EPHA4: variants seen among roughly 807,000 people sequenced by gnomAD.
EPHA4 encodes the protein EPH receptor A4.
In EPHA4, 19 loss-of-function variants were observed where a neutral mutation model predicts 108.3. That is an observed-to-expected ratio of 0.18 (90% CI 0.12 to 0.26). The LOEUF (loss-of-function observed/expected upper bound fraction) is 0.26, where lower values mean the gene tolerates loss of function less well. Ranked by LOEUF, EPHA4 falls within the 10% of genes least tolerant of loss-of-function variation. The pLI, the probability that EPHA4 is intolerant of heterozygous loss-of-function variation, is 1.00. For missense variants in EPHA4, 917 were observed against 1,254.0 expected (o/e 0.73, Z 4.06); for synonymous variants, 449 against 455.5 (o/e 0.99, Z 0.18).
At chr2:221,558,334 G>C (rs1694361116) in intron 3 of EPHA4, among the ~76,000 whole-genome samples, 1 of 152,064 alleles carries the variant, frequency 6.6e-6, no homozygotes, top group Admixed American at 6.6e-5. Context: ...GCAGGGAATG[G>C]TAGACTTACA....
intron 3 of EPHA4, among the ~76,000 whole-genome samples, chr2:221,543,231 C>A (rs1043651750): frequency 1.3e-5 from 2 of 152,142 alleles, no homozygotes; most frequent in African/African-American, 2.4e-5. Context: ...AAATGTCCAA[C>A]AATAGAGGAT....
chr2:221,573,767 C>A (rs1297523584), upstream of EPHA4: 2 of 152,216 alleles, frequency 1.3e-5, no homozygotes, highest in Admixed American at 6.5e-5. This position sits in a 1 kb window ranked among gnomAD's most constrained non-coding sequence, Gnocchi z 4.5. Flanking sequence ...ACCCGCAATC[C>A]GCAACCCCGC....
intron 3 of EPHA4, among the ~76,000 whole-genome samples, chr2:221,537,331 A>T (rs2710498): frequency 0.56 from 85,918 of 152,208 alleles, 24,999 homozygotes; most frequent in African/African-American, 0.7. Context: ...ACTCCTAAAA[A>T]TAGTCTGTTA....
chr2:221,439,030 A>G (rs1488741119), intron 11 of EPHA4, among the ~76,000 whole-genome samples: 2 of 152,128 alleles, frequency 1.3e-5, no homozygotes, highest in Non-Finnish European at 2.9e-5. Context: ...GAAGTCCAAT[A>G]TATCAATTTG....
rs777531997 is a variant in EPHA4 at position 221,564,325 on chromosome 2, C to T, written c.229G>A (p.Glu77Lys). 6.2e-7 allele frequency: 1 copy of T among 1,614,092 alleles called. No individual in the cohort carries two copies. The highest frequency in any genetic ancestry group is 8.5e-7 in the Non-Finnish European group (1 of 1,180,012). Residue 77 changes from glutamate to lysine, a missense_variant, in exon 3 of 18, where the codon GAA becomes AAA. Around this residue, in one of 3 missense-constraint regions of EPHA4, gnomAD observed 758 missense variants for 1,076.7 expected, o/e 0.70. Transcript: ENST00000281821. Reference sequence around the variant, plus strand: ...CGTAGCCAGTTATTCTGGCTGGGTTCCATCACATTGCACACTTGGTAGGTT... The same window carrying T: ...CGTAGCCAGTTATTCTGGCTGGGTTTCATCACATTGCACACTTGGTAGGTT... ...IRTYQVCNVMEPSQNNWLRTD... is the reference protein window; with the variant it reads ...IRTYQVCNVMKPSQNNWLRTD...
upstream of EPHA4, chr2:221,573,861 G>A (rs1180276644): frequency 6.6e-6 from 1 of 152,232 alleles, no homozygotes; most frequent in South Asian, 2.1e-4. This position sits in a 1 kb window ranked among gnomAD's most constrained non-coding sequence, Gnocchi z 4.5. Flanking sequence ...GTGGGGCTGC[G>A]GACAGCGCTC....
chr2:221,519,731 A>G (rs1047752081), intron 3 of EPHA4, among the ~76,000 whole-genome samples: 1 of 152,226 alleles, frequency 6.6e-6, no homozygotes, highest in Non-Finnish European at 1.5e-5. Context: ...AGTCAGCCCT[A>G]CAAGTTACTA....
At chr2:221,428,585 T>C (rs1198858263) in intron 15 of EPHA4, among the ~76,000 whole-genome samples, 1 of 152,164 alleles carries the variant, frequency 6.6e-6, no homozygotes, top group African/African-American at 2.4e-5. Flanking sequence ...ACAAAATACA[T>C]GGGCTCTGGT....
At chr2:221,566,944 G>GA (rs1559297337) in intron 2 of EPHA4, among the ~76,000 whole-genome samples, 514 of 7,676 alleles carry the variant, frequency 0.067, 139 homozygotes, top group Middle Eastern at 0.083. Context: ...GAAGGAGAAG[G>GA]AGAAGGAGAA....
intron 4 of EPHA4, among the ~76,000 whole-genome samples, chr2:221,495,325 A>T (rs1692266983): frequency 6.6e-6 from 1 of 152,220 alleles, no homozygotes; most frequent in Non-Finnish European, 1.5e-5. Context: ...GCATCAAAAC[A>T]GAATCTCCTG....
chr2:221,436,854 A>C (rs760662452), intron 12 of EPHA4, among the ~76,000 whole-genome samples: 4 of 152,224 alleles, frequency 2.6e-5, no homozygotes, highest in Non-Finnish European at 5.9e-5. Flanking sequence ...CAACAGCTCC[A>C]CATTACAGGA....
intron 14 of EPHA4, among the ~76,000 whole-genome samples, chr2:221,432,792 C>T (rs979164982): frequency 5.3e-5 from 8 of 150,716 alleles, no homozygotes; most frequent in African/African-American, 2.0e-4. Context: ...TACAGGCGCA[C>T]ACCACCACGC....
intron 13 of EPHA4, 97 bp downstream of exon 13, chr2:221,436,302 A>T: frequency 8.3e-7 from 1 of 1,199,666 alleles, no homozygotes; most frequent in East Asian, 2.5e-5. Flanking sequence ...GAGAAAACTT[A>T]AAAAATAAAA....
At chr2:221,475,366 A>G (rs1399365950) in intron 5 of EPHA4, among the ~76,000 whole-genome samples, 2 of 152,208 alleles carry the variant, frequency 1.3e-5, no homozygotes, top group Non-Finnish European at 2.9e-5. Flanking sequence ...TAATTATTTT[A>G]GTTAATTTTT....
At chr2:221,547,794 T>C (rs531580620) in intron 3 of EPHA4, among the ~76,000 whole-genome samples, 1 of 152,286 alleles carries the variant, frequency 6.6e-6, no homozygotes, top group East Asian at 1.9e-4. Flanking sequence ...GCAGTATACA[T>C]GGCCAAACAC....
intron 16 of EPHA4, 29 bp downstream of exon 16, chr2:221,426,435 C>T: frequency 1.3e-6 from 2 of 1,570,776 alleles, no homozygotes; most frequent in Non-Finnish European, 1.7e-6. Flanking sequence ...CTAGATTTAC[C>T]CTTTCGTGTT....
At chr2:221,474,642 CA>C (rs1395249499) in intron 5 of EPHA4, among the ~76,000 whole-genome samples, 1 of 152,116 alleles carries the variant, frequency 6.6e-6, no homozygotes, top group Non-Finnish European at 1.5e-5. Flanking sequence ...TGAGGATGCG[CA>C]AACAACGTTT....
At chr2:221,470,681 T>G (rs1691455651) in intron 5 of EPHA4, among the ~76,000 whole-genome samples, 1 of 151,962 alleles carries the variant, frequency 6.6e-6, no homozygotes, top group African/African-American at 2.4e-5. Context: ...CCCTGTTTCT[T>G]GCTTGCTATG....
chr2:221,529,163 C>T (rs949783502), intron 3 of EPHA4, among the ~76,000 whole-genome samples: 1 of 152,064 alleles, frequency 6.6e-6, no homozygotes, highest in African/African-American at 2.4e-5. Context: ...AATTTACATA[C>T]ATGACACTGT....
Sources: allele counts gnomAD v4.1 joint callset (sites outside exome capture counted in the v4.1 genomes callset), GRCh38; gene constraint gnomAD v4.1.1; regional missense constraint gnomAD v4.1.1; non-coding constraint Gnocchi (gnomAD v3.1); transcripts MANE v1.5; gene names NCBI Gene and HGNC (gene_info 2026-07-23, HGNC 2026-07-21).